MMD2: variants seen among roughly 807,000 people sequenced by gnomAD.
MMD2 encodes the protein monocyte to macrophage differentiation factor 2.
In MMD2, 30 loss-of-function variants were observed where a neutral mutation model predicts 33.5. The ratio of observed to expected loss-of-function variants is 0.90; its 90% CI spans 0.67 to 1.22. MMD2 has a LOEUF of 1.22. MMD2 is among the 50% of genes most tolerant of loss of function. The pLI, the probability that MMD2 is intolerant of heterozygous loss-of-function variation, is 0.00. For synonymous variants in MMD2, 129 were observed against 123.0 expected (o/e 1.05, Z -0.32); for missense variants, 364 against 325.4 (o/e 1.12, Z -0.91).
intron 4 of MMD2, among the ~76,000 whole-genome samples, chr7:4,915,601 G>A (rs901070516): frequency 8.6e-5 from 13 of 151,678 alleles, no homozygotes; most frequent in Admixed American, 6.6e-5. Context: ...TTAGCTGGGC[G>A]TGGTGGCGCG....
rs893574123 is a variant in MMD2 at position 4,938,583 on chromosome 7, G to T, written c.48-13051C>A. Among the ~76,000 whole-genome samples the T allele has an allele frequency of 3.3e-5, 5 of 152,038 alleles. No individual in the cohort carries two copies. The South Asian group carries it at 1.0e-3, about 32-fold the overall frequency. On this transcript the variant is annotated intron_variant, in intron 1 of 6. Coordinates refer to ENST00000401401, the MANE Select transcript of MMD2 (RefSeq NM_198403.4). ...TCAAATTTCCCACCCTCTTAATACT[G>T]TTACAACGGGGATCAAGTTTCAGAA...
intron 1 of MMD2, among the ~76,000 whole-genome samples, chr7:4,929,904 C>T (rs550774173): frequency 2.0e-5 from 3 of 152,062 alleles, no homozygotes; most frequent in Admixed American, 6.6e-5. Flanking sequence ...ATTCACACAT[C>T]GAAGCCCTAA....
rs373857406 is a variant in MMD2, at chr7:4,947,559, A to C, written c.47+11412T>G. On this transcript the variant is annotated intron_variant, in intron 1 of 6. Coordinates refer to ENST00000401401, the MANE Select transcript of MMD2 (RefSeq NM_198403.4). Reference sequence around the variant, plus strand: ...CAGGCGCATGCCTCCAGGCCCAGCTACTTTTTTGTATTTTTAGTAGAGACG... The same window carrying C: ...CAGGCGCATGCCTCCAGGCCCAGCTCCTTTTTTGTATTTTTAGTAGAGACG... Among the ~76,000 whole-genome samples the C allele has an allele frequency of 6.7e-5, 10 of 149,636 alleles. No individual in the cohort carries two copies. The East Asian group carries it at 1.6e-3, about 24-fold the overall frequency.
intron 1 of MMD2, among the ~76,000 whole-genome samples, chr7:4,936,174 A>G (rs1389553229): frequency 6.7e-6 from 1 of 149,212 alleles, no homozygotes; most frequent in Non-Finnish European, 1.5e-5. Context: ...GACGAGAATG[A>G]AACTCTGTCT....
At chr7:4,923,619 T>A in intron 2 of MMD2, among the ~76,000 whole-genome samples, 1 of 152,134 alleles carries the variant, frequency 6.6e-6, no homozygotes, top group Non-Finnish European at 1.5e-5. Flanking sequence ...AGAGCTTTAT[T>A]TTTGGGGTGC....
chr7:4,920,399 T>A, intron 2 of MMD2, 68 bp from the exon 3 acceptor site: 1 of 1,524,870 alleles, frequency 6.6e-7, no homozygotes, highest in Non-Finnish European at 8.9e-7. Context: ...TCCTGCCCCT[T>A]CCCCGGCTGA....
rs911048671 is a variant in MMD2 at position 4,912,541 on chromosome 7, A to G, written c.366-1295T>C. Among the ~76,000 whole-genome samples, 81 of 151,614 alleles carry G rather than the reference A, an allele frequency of 5.3e-4. No homozygotes were observed. In the Middle Eastern group the frequency reaches 0.01, roughly 19 times the overall value. Reference sequence around the variant, plus strand: ...CGCGCCACTGCACTCCAGCCTGGGCAACAGAGCAAGACTCTGTCTCAAAAA... The same window carrying G: ...CGCGCCACTGCACTCCAGCCTGGGCGACAGAGCAAGACTCTGTCTCAAAAA... On this transcript the variant is annotated intron_variant, in intron 4 of 6. Coordinates refer to ENST00000401401, the MANE Select transcript of MMD2 (RefSeq NM_198403.4).
intron 4 of MMD2, 87 bp from the exon 5 acceptor site, chr7:4,911,333 A>C: frequency 9.1e-7 from 1 of 1,094,032 alleles, no homozygotes; most frequent in South Asian, 1.4e-5. Flanking sequence ...CAGGAAATGG[A>C]CCCCAGGGAA....
chr7:4,954,279 T>A (rs1238284666), intron 1 of MMD2, among the ~76,000 whole-genome samples: 1 of 152,206 alleles, frequency 6.6e-6, no homozygotes, highest in Non-Finnish European at 1.5e-5. Flanking sequence ...TCTATTTGGT[T>A]ATTTGTCTTT....
intron 4 of MMD2, among the ~76,000 whole-genome samples, chr7:4,912,294 C>G: frequency 6.6e-6 from 1 of 151,942 alleles, no homozygotes; most frequent in Non-Finnish European, 1.5e-5. Context: ...CGCGGTGGCT[C>G]ACGCCTGTAA....
chr7:4,941,180 C>G (rs1462649042), intron 1 of MMD2, among the ~76,000 whole-genome samples: 1 of 152,214 alleles, frequency 6.6e-6, no homozygotes, highest in Non-Finnish European at 1.5e-5. Flanking sequence ...CCCTAACCAT[C>G]AAGCCCTCCT....
chr7:4,921,166 G>A (rs867466420), intron 2 of MMD2, among the ~76,000 whole-genome samples: 3 of 152,008 alleles, frequency 2.0e-5, no homozygotes, highest in Non-Finnish European at 4.4e-5. Context: ...CCACATCCCA[G>A]CCCCTCTCTG....
rs185679698 is a variant in MMD2, at chr7:4,944,740, T to C, written c.47+14231A>G. ...AACAAATTCCTTTTTTTCTTTTTTC[T>C]CTTTCTTCTTCTTCTTCTTCTTTTT... On this transcript the variant is annotated intron_variant, in intron 1 of 6. Coordinates refer to ENST00000401401, the MANE Select transcript of MMD2 (RefSeq NM_198403.4). Among the ~76,000 whole-genome samples, 295 of 149,358 alleles carry C rather than the reference T, an allele frequency of 2.0e-3. 4 individuals carry two copies. Among genetic ancestry groups the C allele is most frequent in the Non-Finnish European group, 2.8e-4 (19 of 67,446 alleles).
intron 3 of MMD2, among the ~76,000 whole-genome samples, chr7:4,919,739 T>C (rs1298158783): frequency 2.0e-5 from 3 of 151,444 alleles, no homozygotes; most frequent in Non-Finnish European, 2.9e-5. Context: ...CCCAAAAAAA[T>C]ACAAAAATTA....
Position 4,940,630 on chromosome 7 carries a change from C to T in MMD2, c.48-15098G>A, listed in dbSNP as rs764791150. Among the ~76,000 whole-genome samples the T allele has an allele frequency of 6.6e-6, 1 of 152,190 alleles. No homozygotes were observed. Among genetic ancestry groups the T allele is most frequent in the Non-Finnish European group, 1.5e-5 (1 of 68,032 alleles). On this transcript the variant is annotated intron_variant, in intron 1 of 6. Coordinates refer to ENST00000401401, the MANE Select transcript of MMD2 (RefSeq NM_198403.4). This position sits in a 1 kb window ranked among gnomAD's most constrained non-coding sequence, Gnocchi z 5.0. Reference sequence around the variant, plus strand: ...GAATTCAAGGCTCCTCCTGAAAGGCCGGCGGTATCTTGGCTCAGTCTTTGG... The same window carrying T: ...GAATTCAAGGCTCCTCCTGAAAGGCTGGCGGTATCTTGGCTCAGTCTTTGG...
intron 4 of MMD2, among the ~76,000 whole-genome samples, chr7:4,911,897 C>T (rs891792950): frequency 6.6e-6 from 1 of 151,950 alleles, no homozygotes; most frequent in Non-Finnish European, 1.5e-5. Flanking sequence ...ATCCACTCAC[C>T]TTGACCTCCC....
intron 3 of MMD2, among the ~76,000 whole-genome samples, chr7:4,918,504 G>C (rs913006980): frequency 7.8e-6 from 1 of 127,514 alleles, no homozygotes; most frequent in African/African-American, 3.1e-5. Flanking sequence ...TTTTTTTTGA[G>C]ACAGATTCTC....
In MMD2 at chr7:4,910,437, G is replaced by C. The variant is rs368873814; in HGVS notation, c.468-487C>G. ...GGAAGTCTGTTATGTTCTTTTGCTTGTATCGTCCTGTTTCTTTCCCCACTG... is the reference window on the plus strand; with the variant it reads ...GGAAGTCTGTTATGTTCTTTTGCTTCTATCGTCCTGTTTCTTTCCCCACTG... On this transcript the variant is annotated intron_variant, in intron 5 of 6. Transcript: ENST00000401401. Among the ~76,000 whole-genome samples the C allele has an allele frequency of 3.3e-5, 5 of 152,166 alleles. No homozygotes were observed. The South Asian group carries it at 8.3e-4, about 25-fold the overall frequency.
At chr7:4,897,791 A>G in the MMD2 span, among the ~76,000 whole-genome samples, 2 of 152,052 alleles carry the variant, frequency 1.3e-5, no homozygotes, top group South Asian at 2.1e-4. Flanking sequence ...AGGCTGGAGT[A>G]CAATGGTGTG....
Sources: allele counts gnomAD v4.1 joint callset (sites outside exome capture counted in the v4.1 genomes callset), GRCh38; gene constraint gnomAD v4.1.1; non-coding constraint Gnocchi (gnomAD v3.1); transcripts MANE v1.5; gene names NCBI Gene and HGNC (gene_info 2026-07-23, HGNC 2026-07-21).